The following CCDC88C variants were observed in gnomAD, a reference collection of about 807,000 sequenced individuals.
CCDC88C encodes the protein protein Daple.
A neutral mutation model predicts 198.8 loss-of-function variants in CCDC88C; 131 were observed. The observed-to-expected ratio is 0.66, with a 90% CI of 0.57 to 0.76. The LOEUF is 0.76. CCDC88C is among the 30% of genes least tolerant of loss of function. CCDC88C has a pLI of 0.00. For missense variants in CCDC88C, 2,553 were observed against 2,631.6 expected, an observed-to-expected ratio of 0.97 and a Z score of 0.65; for synonymous variants, 1,166 against 1,114.7, an observed-to-expected ratio of 1.05 and a Z score of -0.92.
intron 2 of CCDC88C, among the ~76,000 whole-genome samples, chr14:91,412,663 C>A (rs912063245): frequency 1.5e-4 from 23 of 152,182 alleles, no homozygotes; most frequent in African/African-American, 5.5e-4. Flanking sequence ...TCTCGATCTC[C>A]TGACCTTGTG....
At chr14:91,324,738 G>A in intron 12 of CCDC88C, 41 bp downstream of exon 12, 1 of 1,602,360 alleles carries the variant, frequency 6.2e-7, no homozygotes, top group East Asian at 2.2e-5. Context: ...GGCAGCGGCG[G>A]CCACGGCCAG....
chr14:91,385,393 A>G (rs542035120), intron 3 of CCDC88C, among the ~76,000 whole-genome samples: 4 of 150,422 alleles, frequency 2.7e-5, no homozygotes, highest in Admixed American at 1.3e-4. Context: ...AGACAGCAGC[A>G]CCCTGACGCA....
At chr14:91,318,237 T>A (rs116419559) in intron 13 of CCDC88C, among the ~76,000 whole-genome samples, 1,530 of 151,140 alleles carry the variant, frequency 0.01, 22 homozygotes, top group African/African-American at 0.035. Flanking sequence ...CTGGGCAACA[T>A]AAAGAGACCC....
intron 4 of CCDC88C, among the ~76,000 whole-genome samples, chr14:91,354,130 TA>T (rs1336075058): frequency 1.3e-5 from 2 of 152,226 alleles, no homozygotes; most frequent in Non-Finnish European, 2.9e-5. Flanking sequence ...CCTTCCATTC[TA>T]AATGGCTTCG....
At chr14:91,398,860 A>G (rs1886003711) in intron 3 of CCDC88C, among the ~76,000 whole-genome samples, 1 of 152,098 alleles carries the variant, frequency 6.6e-6, no homozygotes. Context: ...CTGGGGGCGC[A>G]CAGGTCTGCT....
intron 10 of CCDC88C, among the ~76,000 whole-genome samples, chr14:91,330,375 A>T (rs1596077595): frequency 6.6e-6 from 1 of 152,162 alleles, no homozygotes; most frequent in Non-Finnish European, 1.5e-5. Flanking sequence ...GGAGTGGCAG[A>T]CGAGGGTACG....
Position 91,297,503 on chromosome 14 carries a change from A to G in CCDC88C, c.3780-12T>C. 1 of 1,552,286 alleles carries G rather than the reference A, an allele frequency of 6.4e-7. No individual in the cohort carries two copies. Among genetic ancestry groups the G allele is most frequent in the Non-Finnish European group, 8.7e-7 (1 of 1,147,256 alleles). ...GCAGGAAATTGACCCTGGAGGAGGA[A>G]GAGTCACAGGGCAAAGGAGCTGAAG... On this transcript the variant is annotated splice_polypyrimidine_tract_variant and intron_variant, in intron 21 of 29. Coordinates refer to ENST00000389857, the MANE Select transcript of CCDC88C (RefSeq NM_001080414.4).
chr14:91,348,177 T>C (rs1262817932), intron 4 of CCDC88C, among the ~76,000 whole-genome samples: 2 of 152,090 alleles, frequency 1.3e-5, no homozygotes, highest in Non-Finnish European at 2.9e-5. Context: ...AGCCAATTTT[T>C]GTATTTTCAT....
At chr14:91,336,968 C>T (rs775314306) in intron 10 of CCDC88C, among the ~76,000 whole-genome samples, 11 of 152,326 alleles carry the variant, frequency 7.2e-5, no homozygotes, top group East Asian at 1.9e-4. Context: ...GTAGGAGAGA[C>T]GTTGGGATTA....
In CCDC88C at chr14:91,338,863, A is replaced by C; in HGVS notation, c.810-293T>G. 1 of 491,918 alleles carries C rather than the reference A, an allele frequency of 2.0e-6. No individual in the cohort carries two copies. Among genetic ancestry groups the C allele is most frequent in the South Asian group, 2.2e-5 (1 of 45,802 alleles). 30.5% of individuals were successfully genotyped at this position (491,918 alleles called of 1,614,324 possible). ...GCGGCAGCTGTACCACCCCACAGCCAGGCTCCACAGGTGACATCCATCAGC... is the reference window on the plus strand; with the variant it reads ...GCGGCAGCTGTACCACCCCACAGCCCGGCTCCACAGGTGACATCCATCAGC... On this transcript the variant is annotated intron_variant, in intron 8 of 29. Coordinates refer to ENST00000389857, the MANE Select transcript of CCDC88C (RefSeq NM_001080414.4). The surrounding 1 kb of genome is among the most constrained non-coding windows in gnomAD (Gnocchi z 4.8).
At chr14:91,367,298 C>T (rs142803220) in intron 3 of CCDC88C, among the ~76,000 whole-genome samples, 6 of 152,306 alleles carry the variant, frequency 3.9e-5, no homozygotes, top group Non-Finnish European at 8.8e-5. Context: ...GTGACGCTCA[C>T]GGTTGCCAAG....
At chr14:91,404,657 A>G (rs1025442291) in intron 3 of CCDC88C, among the ~76,000 whole-genome samples, 2 of 152,190 alleles carry the variant, frequency 1.3e-5, no homozygotes, top group Non-Finnish European at 1.5e-5. Flanking sequence ...AGAAGCTGGG[A>G]AATTTTTGAA....
chr14:91,297,271 C>A, intron 22 of CCDC88C, 34 bp downstream of exon 22: 1 of 1,599,584 alleles, frequency 6.3e-7, no homozygotes. Flanking sequence ...GGACTCATCC[C>A]TGTCTCCCGA....
chr14:91,361,752 G>C (rs1894313292), intron 3 of CCDC88C, among the ~76,000 whole-genome samples: 1 of 152,178 alleles, frequency 6.6e-6, no homozygotes. Context: ...CTTGGGAAAA[G>C]TCAATGTGAA....
Position 91,354,753 on chromosome 14 carries a change from C to A in CCDC88C, c.340+4889G>T, listed in dbSNP as rs189111497. ...CACCTACTACATGCCAGACACTGAT[C>A]TAGGCATTCGAACGCACTGACAACA... On this transcript the variant is annotated intron_variant, in intron 4 of 29. Transcript: ENST00000389857. Among the ~76,000 whole-genome samples the A allele has an allele frequency of 1.4e-3, 207 of 152,304 alleles. 1 individual carries two copies. Among genetic ancestry groups the A allele is most frequent in the African/African-American group, 4.7e-3 (195 of 41,554 alleles).
intron 20 of CCDC88C, 66 bp downstream of exon 20, chr14:91,303,635 C>T: frequency 6.8e-7 from 1 of 1,466,258 alleles, no homozygotes; most frequent in Admixed American, 2.3e-5. Flanking sequence ...CCACCTTTCC[C>T]CCTGGGCCCA....
intron 2 of CCDC88C, among the ~76,000 whole-genome samples, chr14:91,412,591 C>A (rs963093054): frequency 2.0e-5 from 3 of 152,194 alleles, no homozygotes; most frequent in East Asian, 3.9e-4. Context: ...CCCGCCACCA[C>A]GCCTGGCTAA....
rs374450336 is a variant in CCDC88C at position 91,408,772 on chromosome 14, G to A, written c.162-5C>T. ...TGATTTGTGGGCCTGGGATCTCTAG[G>A]GGAAGAAACACGAGAATGGAAATTG... On this transcript the variant is annotated splice_region_variant and splice_polypyrimidine_tract_variant and intron_variant, in intron 2 of 29. Coordinates refer to ENST00000389857, the MANE Select transcript of CCDC88C (RefSeq NM_001080414.4). 6.3e-7 allele frequency: 1 copy of A among 1,598,408 alleles called. No homozygotes were observed. Among genetic ancestry groups the A allele is most frequent in the Admixed American group, 1.7e-5 (1 of 59,946 alleles).
At position 91,273,304 on chromosome 14, in the gene CCDC88C, C is replaced by T. The variant is rs374572111; in HGVS notation, c.5408G>A (p.Arg1803Gln). The change falls in exon 30 of 30, where the codon CGG becomes CAG. Residue 1803 changes from arginine (R) to glutamine (Q), a missense_variant. By Grantham distance (43) the Arg-to-Gln change is conservative. Transcript: ENST00000389857. The surrounding 1 kb of genome is among the most constrained non-coding windows in gnomAD (Gnocchi z 5.6). ...APASRSASLSRAFSLASADLL... is the reference protein window; with the variant it reads ...APASRSASLSQAFSLASADLL... The stretch of plus-strand genomic sequence containing the variant: ...GTCAGCTGAGGCCAGGCTGAAGGCC[C>T]GGCTCAAGGAGGCACTGCGGCTGGC... 1.7e-5 allele frequency: 26 copies of T among 1,557,692 alleles called. No individual in the cohort carries two copies. Among genetic ancestry groups the T allele is most frequent in the African/African-American group, 8.1e-5 (6 of 73,660 alleles).
Sources: allele counts gnomAD v4.1 joint callset (sites outside exome capture counted in the v4.1 genomes callset), GRCh38; gene constraint gnomAD v4.1.1; non-coding constraint Gnocchi (gnomAD v3.1); transcripts MANE v1.5; gene names NCBI Gene and HGNC (gene_info 2026-07-23, HGNC 2026-07-21).